Variants in SCYL2 observed in about 807,000 individuals in gnomAD.
The protein encoded by SCYL2 is SCY1-like protein 2.
In SCYL2, 36 loss-of-function variants were observed where a neutral mutation model predicts 100.4. The observed-to-expected ratio is 0.36, with a 90% CI of 0.27 to 0.47. SCYL2 has a LOEUF of 0.47. SCYL2 is among the 20% of genes least tolerant of loss of function. The pLI is 1.00. For synonymous variants in SCYL2, 330 were observed against 359.2 expected (o/e 0.92, Z 0.92); for missense variants, 902 against 1,083.9 (o/e 0.83, Z 2.36).
At chr12:100,277,181 G>A (rs755505426) in intron 1 of SCYL2, among the ~76,000 whole-genome samples, 5 of 152,122 alleles carry the variant, frequency 3.3e-5, no homozygotes, top group Non-Finnish European at 7.4e-5. Flanking sequence ...TTTAGTGAAT[G>A]TTACGTGTCT....
rs376948808 is a variant in SCYL2 at position 100,322,241 on chromosome 12, CG to C, written c.1396-1281del. On this transcript the variant is annotated intron_variant, in intron 10 of 17. Coordinates refer to ENST00000360820, the MANE Select transcript of SCYL2 (RefSeq NM_017988.6). ...ACAAAAAATTAGCCGGGCGTGGTGG[CG>C]GGCGCCTGTAGTCCCAGCTACGCGG... Among the ~76,000 whole-genome samples the C allele has an allele frequency of 2.1e-4, 31 of 149,058 alleles. No homozygotes were observed. In the East Asian group the frequency reaches 4.5e-3, roughly 22 times the overall value.
At chr12:100,327,048 T>A in intron 12 of SCYL2, 1 of 334,088 alleles carries the variant, frequency 3.0e-6, no homozygotes, top group African/African-American at 2.2e-5. Flanking sequence ...CTGGAAATGC[T>A]GATACTGGTC....
intron 7 of SCYL2, among the ~76,000 whole-genome samples, chr12:100,314,079 C>G (rs1358889244): frequency 6.6e-6 from 1 of 152,084 alleles, no homozygotes; most frequent in Admixed American, 6.6e-5. Flanking sequence ...CAGTGTTTCA[C>G]CATTTTGGCT....
rs1952350844 is a variant in SCYL2 at position 100,341,374 on chromosome 12, T to C, written c.*2202T>C. ...ACAATTAAGTCCGTTATGTTTAGAG[T>C]AGAAAATGTTTAGGTTAAAGAGCAT... On this transcript the variant is annotated 3_prime_UTR_variant, in exon 18 of 18. Transcript: ENST00000360820. 6.6e-6 allele frequency: 1 copy of C among 152,072 alleles called. No individual in the cohort carries two copies. The allele number at this position is 152,072 out of a possible 1,614,324, so 9.4% of individuals were successfully genotyped here. A position where few individuals can be genotyped will look rare whatever the true frequency, so the allele number is the denominator to read the frequency against.
Position 100,311,074 on chromosome 12 carries a change from AGTGTGAAAATG to A in SCYL2, c.515_525del (p.Val172AlafsTer7). 6.3e-7 allele frequency: 1 copy of A among 1,599,994 alleles called. No homozygotes were observed. The highest frequency in any genetic ancestry group is 1.7e-5 in the Admixed American group (1 of 57,626). ...TGAAGGATTGTCATTCTTGCATAGC[AGTGTGAAAATG>A]GTGCATGGAAATATCACTCCTGAAA... On this transcript the variant is annotated frameshift_variant, in exon 5 of 18. Transcript: ENST00000360820. LOFTEE classifies it high-confidence loss of function.
rs1255568922 is a variant in SCYL2, at chr12:100,337,440, A to G, written c.2079A>G (p.Ala693=). 2.5e-6 allele frequency: 4 copies of G among 1,612,244 alleles called. No individual in the cohort carries two copies. In the East Asian group the frequency reaches 6.7e-5, roughly 27 times the overall value. The change falls in exon 17 of 18, where the codon GCA becomes GCG. Residue 693 remains alanine, a synonymous_variant. Transcript: ENST00000360820. ...KQKLAKEQEQ[A]QKLKSQQPLK... is the part of the protein sequence containing the mutation. ...AATTAGCAAAAGAACAAGAGCAGGC[A>G]CAGAAGCTGAAAAGCCAGCAGCCTC... is the stretch of plus-strand genomic sequence containing the variant.
At chr12:100,268,362 GTCAGGTGCTTGAAGAT>G (rs1349987601) in intron 1 of SCYL2, among the ~76,000 whole-genome samples, 36 of 152,358 alleles carry the variant, frequency 2.4e-4, no homozygotes, top group Non-Finnish European at 4.7e-4. Context: ...TGGCTTGAAA[GTCAGGTGCTTGAAGAT>G]TCCTTTTGGA....
chr12:100,322,208 T>TA (rs551280618), intron 10 of SCYL2, among the ~76,000 whole-genome samples: 2 of 149,144 alleles, frequency 1.3e-5, no homozygotes, highest in African/African-American at 4.9e-5. Context: ...CCGTCTCTAC[T>TA]AAAAAATACA....
rs1432056311 is a variant in SCYL2 at position 100,315,664 on chromosome 12, C to T, written c.1202C>T (p.Thr401Ile). 23 of 1,612,056 alleles carry T rather than the reference C, an allele frequency of 1.4e-5. No individual in the cohort carries two copies. Among genetic ancestry groups the T allele is most frequent in the Non-Finnish European group, 2.0e-5 (23 of 1,178,834 alleles). The change falls in exon 9 of 18, where the codon ACC (threonine) becomes ATC (isoleucine). Residue 401 changes from threonine to isoleucine, a missense_variant. Physicochemically the swap from Thr to Ile is moderately conservative, Grantham distance 89. Coordinates refer to ENST00000360820, the MANE Select transcript of SCYL2 (RefSeq NM_017988.6). ...GTTCTACTTATTGCTGAGGAATGCA[C>T]CAAAGAAGAATATGTCAAATTAATT... The part of the protein sequence containing the change: ...PNVLLIAEEC[T>I]KEEYVKLILP...
intron 1 of SCYL2, among the ~76,000 whole-genome samples, chr12:100,275,413 C>A (rs1399680074): frequency 6.6e-6 from 1 of 152,160 alleles, no homozygotes; most frequent in Non-Finnish European, 1.5e-5. Flanking sequence ...CCAGGCTGAT[C>A]TCAAACTCCT....
At chr12:100,272,390 A>G (rs906442842) in intron 1 of SCYL2, among the ~76,000 whole-genome samples, 2 of 152,150 alleles carry the variant, frequency 1.3e-5, no homozygotes, top group African/African-American at 2.4e-5. Context: ...GTTTAAGTTC[A>G]GGTCTTATTT....
intron 1 of SCYL2, among the ~76,000 whole-genome samples, chr12:100,278,774 C>T (rs1443241158): frequency 6.6e-6 from 1 of 151,742 alleles, no homozygotes; most frequent in South Asian, 2.1e-4. Flanking sequence ...GGACTACAGG[C>T]GCGTACCACC....
intron 4 of SCYL2, among the ~76,000 whole-genome samples, chr12:100,305,772 TAAAGA>T (rs1214241864): frequency 7.4e-6 from 1 of 134,910 alleles, no homozygotes; most frequent in Non-Finnish European, 1.6e-5. Flanking sequence ...GCCAGACTAA[TAAAGA>T]AGAAAAGAGA....
chr12:100,319,131 A>C (rs1855695917), intron 10 of SCYL2: 4 of 432,246 alleles, frequency 9.3e-6, no homozygotes, highest in South Asian at 6.7e-5. Context: ...ATTTAAGGTC[A>C]CTTTTTGGAC....
At chr12:100,291,694 C>T in intron 3 of SCYL2, 34 bp downstream of exon 3, 1 of 1,524,500 alleles carries the variant, frequency 6.6e-7, no homozygotes, top group Non-Finnish European at 8.8e-7. Flanking sequence ...TAGTAGACTT[C>T]CTGAACAAAT....
chr12:100,289,449 G>T (rs10860574), intron 2 of SCYL2, among the ~76,000 whole-genome samples: 1 of 152,024 alleles, frequency 6.6e-6, no homozygotes. Context: ...TATTTGTCTC[G>T]TAGGGTTTCT....
chr12:100,302,508 C>T (rs2096329125), intron 4 of SCYL2, among the ~76,000 whole-genome samples: 2 of 152,252 alleles, frequency 1.3e-5, no homozygotes, highest in East Asian at 1.9e-4. Context: ...TTCTCCTTCA[C>T]TTATGAAGGT....
At chr12:100,313,583 G>A (rs199967392) in intron 7 of SCYL2, 45 bp downstream of exon 7, 1 of 1,025,322 alleles carries the variant, frequency 9.8e-7, no homozygotes, top group East Asian at 2.4e-5. Flanking sequence ...AACAAAAAAT[G>A]AGTTGAAGTA....
chr12:100,311,258 C>G, intron 5 of SCYL2, 65 bp downstream of exon 5: 9 of 1,497,252 alleles, frequency 6.0e-6, no homozygotes, highest in Non-Finnish European at 8.1e-6. Context: ...CTGGAATGGA[C>G]TAGAAATAGG....
Sources: allele counts gnomAD v4.1 joint callset (sites outside exome capture counted in the v4.1 genomes callset), GRCh38; gene constraint gnomAD v4.1.1; transcripts MANE v1.5; gene names NCBI Gene and HGNC (gene_info 2026-07-23, HGNC 2026-07-21).